VSNL1: variants seen among roughly 807,000 people sequenced by gnomAD.
VSNL1 encodes visinin like 1.
Under a neutral mutation model 20.4 loss-of-function variants are expected in VSNL1, and 6 were observed. The observed-to-expected ratio is 0.29, with a 90% CI of 0.16 to 0.58. The LOEUF (loss-of-function observed/expected upper bound fraction) is 0.58, where lower values mean the gene tolerates loss of function less well. Among genes scored for constraint, VSNL1 ranks in the 20% least tolerant of loss-of-function variants. The probability of loss-of-function intolerance (pLI) is 0.90; values close to 1 mark genes in which losing one functional copy is unlikely to be tolerated. For missense variants in VSNL1, 100 were observed against 234.5 expected (o/e 0.43, Z 3.75); for synonymous variants, 93 against 86.4 (o/e 1.08, Z -0.42).
intron 1 of VSNL1, among the ~76,000 whole-genome samples, chr2:17,576,527 C>G (rs1664218293): frequency 6.6e-6 from 1 of 152,112 alleles, no homozygotes; most frequent in African/African-American, 2.4e-5. Context: ...TAGGTGTAAA[C>G]TTGGCCATTG....
At chr2:17,564,871 T>C (rs1045311739) in intron 1 of VSNL1, among the ~76,000 whole-genome samples, 9 of 152,188 alleles carry the variant, frequency 5.9e-5, no homozygotes, top group Non-Finnish European at 1.3e-4. Flanking sequence ...AACAAAGTAG[T>C]CGTAAGATTA....
intron 1 of VSNL1, among the ~76,000 whole-genome samples, chr2:17,557,195 C>G (rs146035381): frequency 3.3e-5 from 5 of 152,260 alleles, no homozygotes; most frequent in African/African-American, 1.2e-4. Flanking sequence ...AATGTAGGAA[C>G]TTGCCTAAAA....
At chr2:17,652,415 G>T (rs963526863) in intron 3 of VSNL1, among the ~76,000 whole-genome samples, 1 of 152,204 alleles carries the variant, frequency 6.6e-6, no homozygotes, top group African/African-American at 2.4e-5. Flanking sequence ...AGTAAAAGGA[G>T]AAAAGTAATC....
chr2:17,548,656 C>G (rs1035109640), intron 1 of VSNL1, among the ~76,000 whole-genome samples: 4 of 152,156 alleles, frequency 2.6e-5, no homozygotes, highest in Admixed American at 6.5e-5. Flanking sequence ...CACATCTTAT[C>G]TTTTCTGACC....
upstream of VSNL1, chr2:17,540,279 G>C (rs1245993168): frequency 6.6e-6 from 1 of 152,396 alleles, no homozygotes. Context: ...GCCGGGGGTC[G>C]GCTAGGACAG....
intron 1 of VSNL1, among the ~76,000 whole-genome samples, chr2:17,564,103 AG>A (rs1395734319): frequency 6.6e-6 from 1 of 152,232 alleles, no homozygotes; most frequent in Non-Finnish European, 1.5e-5. Flanking sequence ...AAAATGAATT[AG>A]AAAGGAGAGG....
chr2:17,598,019 A>G (rs1370665458), intron 2 of VSNL1, among the ~76,000 whole-genome samples: 2 of 152,248 alleles, frequency 1.3e-5, no homozygotes, highest in Non-Finnish European at 2.9e-5. Context: ...CTAAAACAAA[A>G]TAAGAATAAA....
At chr2:17,648,825 A>G (rs766572128) in intron 2 of VSNL1, among the ~76,000 whole-genome samples, 4 of 152,160 alleles carry the variant, frequency 2.6e-5, no homozygotes, top group Non-Finnish European at 4.4e-5. Flanking sequence ...AAGCCCAGTC[A>G]TGTTCTATTT....
chr2:17,556,887 A>T (rs920234355), intron 1 of VSNL1, among the ~76,000 whole-genome samples: 1 of 152,216 alleles, frequency 6.6e-6, no homozygotes, highest in Non-Finnish European at 1.5e-5. Context: ...TTTCAGGGGC[A>T]AAAGGAGCTT....
At chr2:17,651,030 A>T (rs928533993) in intron 3 of VSNL1, among the ~76,000 whole-genome samples, 2 of 152,072 alleles carry the variant, frequency 1.3e-5, no homozygotes, top group East Asian at 3.9e-4. Flanking sequence ...CTCACTCTTT[A>T]ATCTTTTGTC....
Position 17,629,382 on chromosome 2 carries a change from A to G in VSNL1, c.163-20028A>G, listed in dbSNP as rs915140936. Among the ~76,000 whole-genome samples the G allele has an allele frequency of 1.1e-4, 16 of 152,224 alleles. 1 individual carries two copies. The highest frequency in any genetic ancestry group is 3.9e-4 in the African/African-American group (16 of 41,458). ...GCTTCTATGAAGCAACTATCCTAGG[A>G]GGTGCCCCCATATCAGCAGTCCTTC... is the stretch of plus-strand genomic sequence containing the variant. On this transcript the variant is annotated intron_variant, in intron 2 of 3. Transcript: ENST00000295156.
rs1572328621 is a variant in VSNL1 at position 17,554,766 on chromosome 2, CAG to C, written c.-6+13850_-6+13851del. Among the ~76,000 whole-genome samples, 4 of 152,084 alleles carry C rather than the reference CAG, an allele frequency of 2.6e-5. No individual in the cohort carries two copies. The South Asian group carries it at 8.3e-4, about 32-fold the overall frequency. ...CATTGTGAAAATTTGGAAAACAAAA[CAG>C]AAAAAAGAATAAAAATCACCTGCAA... On this transcript the variant is annotated intron_variant, in intron 1 of 3. Coordinates refer to ENST00000295156, the MANE Select transcript of VSNL1 (RefSeq NM_003385.5).
chr2:17,563,595 T>C (rs1663868278), intron 1 of VSNL1, among the ~76,000 whole-genome samples: 1 of 152,094 alleles, frequency 6.6e-6, no homozygotes, highest in East Asian at 1.9e-4. Context: ...CTGGGCGTGG[T>C]GGCACGCACC....
chr2:17,604,511 G>T lies in VSNL1; in HGVS notation c.162+12275G>T, dbSNP rs1664901093. Among the ~76,000 whole-genome samples, 4 of 152,352 alleles carry T rather than the reference G, an allele frequency of 2.6e-5. No individual in the cohort carries two copies. In the South Asian group the frequency reaches 8.3e-4, roughly 32 times the overall value. ...GGGAGGAGGCCCTTCCTTGGCCTTT[G>T]TTTCTGCCACTTTCCGCAGAGAGAA... On this transcript the variant is annotated intron_variant, in intron 2 of 3. Transcript: ENST00000295156.
chr2:17,587,392 CACAT>C (rs1381591006), intron 1 of VSNL1, among the ~76,000 whole-genome samples: 3 of 147,070 alleles, frequency 2.0e-5, no homozygotes, highest in South Asian at 2.1e-4. Context: ...CACACACACA[CACAT>C]ATATTTTGTT....
intron 1 of VSNL1, among the ~76,000 whole-genome samples, chr2:17,553,009 G>GC (rs1663581061): frequency 6.6e-6 from 1 of 151,940 alleles, no homozygotes; most frequent in Non-Finnish European, 1.5e-5. Context: ...ACAGTCTCTC[G>GC]CATATACAAG....
chr2:17,624,549 C>A (rs1186801208), intron 2 of VSNL1, among the ~76,000 whole-genome samples: 4 of 152,148 alleles, frequency 2.6e-5, no homozygotes, highest in Non-Finnish European at 4.4e-5. Context: ...TAATCACAAG[C>A]GTCCTTAAAG....
At chr2:17,643,302 C>T (rs1332071246) in intron 2 of VSNL1, among the ~76,000 whole-genome samples, 3 of 152,152 alleles carry the variant, frequency 2.0e-5, no homozygotes, top group African/African-American at 7.2e-5. Context: ...CTCTCGTCTT[C>T]CCATCCATGT....
intron 1 of VSNL1, among the ~76,000 whole-genome samples, chr2:17,591,088 A>AT (rs548188457): frequency 5.1e-4 from 77 of 151,920 alleles, no homozygotes; most frequent in African/African-American, 1.8e-3. Flanking sequence ...TAATTTTGGA[A>AT]TTTTTTTTGG....
Sources: allele counts gnomAD v4.1 joint callset (sites outside exome capture counted in the v4.1 genomes callset), GRCh38; gene constraint gnomAD v4.1.1; transcripts MANE v1.5; gene names NCBI Gene and HGNC (gene_info 2026-07-23, HGNC 2026-07-21).